ACSM5: variants seen among roughly 807,000 people sequenced by gnomAD.
The protein encoded by ACSM5 is acyl-coenzyme A synthetase ACSM5, mitochondrial.
Under a neutral mutation model 71.6 loss-of-function variants are expected in ACSM5, and 56 were observed. The ratio of observed to expected loss-of-function variants is 0.78; its 90% CI spans 0.63 to 0.98. ACSM5 has a LOEUF of 0.98. Among genes scored for constraint, ACSM5 ranks in the 50% least tolerant of loss-of-function variants. The pLI, the probability that ACSM5 is intolerant of heterozygous loss-of-function variation, is 0.00. For missense variants in ACSM5, 723 were observed against 726.0 expected (o/e 1.00, Z 0.05); for synonymous variants, 285 against 281.5 (o/e 1.01, Z -0.12).
intron 1 of ACSM5, among the ~76,000 whole-genome samples, chr16:20,410,774 A>C (rs113218095): frequency 0.044 from 6,735 of 152,086 alleles, 157 homozygotes; most frequent in South Asian, 0.058. Context: ...TAAATAAAAA[A>C]ATTAAAAAGA....
intron 10 of ACSM5, 62 bp downstream of exon 10, chr16:20,431,383 A>G (rs111385695): frequency 3.1e-6 from 4 of 1,307,678 alleles, no homozygotes; most frequent in Admixed American, 3.4e-5. Flanking sequence ...TGTGCACCAC[A>G]CTTTGTAAAT....
rs938203847 is a variant in ACSM5 at position 20,440,534 on chromosome 16, C to G, written c.*107C>G. Reference sequence around the variant, plus strand: ...ATCATCTCTTCGACCCTAAAGATGTCAAAGGTGTGCAGCTTCCAAACGGCA... The same window carrying G: ...ATCATCTCTTCGACCCTAAAGATGTGAAAGGTGTGCAGCTTCCAAACGGCA... On this transcript the variant is annotated 3_prime_UTR_variant, in exon 14 of 14. Transcript: ENST00000331849. 4 of 1,001,248 alleles carry G rather than the reference C, an allele frequency of 4.0e-6. No homozygotes were observed. The African/African-American group carries it at 6.4e-5, about 16-fold the overall frequency. 62.0% of individuals were successfully genotyped at this position (1,001,248 alleles called of 1,614,324 possible).
At position 20,419,403 on chromosome 16, in the gene ACSM5, G is replaced by A; in HGVS notation, c.591G>A (p.Arg197=). ...QTKLLVSDSS[R]PGWLNFRELL... ...AGCTGCTGGTGTCAGACAGCAGTCG[G>A]CCAGGCTGGTTGAACTTCAGGGAAC... Residue 197 remains arginine, a synonymous_variant, in exon 4 of 14, where the codon CGG becomes CGA. Coordinates refer to ENST00000331849, the MANE Select transcript of ACSM5 (RefSeq NM_017888.3). 1 of 1,614,202 alleles carries A rather than the reference G, an allele frequency of 6.2e-7. No homozygotes were observed. The highest frequency in any genetic ancestry group is 8.5e-7 in the Non-Finnish European group (1 of 1,180,026).
intron 2 of ACSM5, among the ~76,000 whole-genome samples, chr16:20,416,243 C>T (rs748829955): frequency 4.0e-5 from 6 of 149,198 alleles, no homozygotes; most frequent in East Asian, 3.9e-4. Flanking sequence ...TTCAAAAACT[C>T]GTATGGAAAT....
chr16:20,424,835 G>A (rs1174741730), intron 6 of ACSM5, among the ~76,000 whole-genome samples: 1 of 152,196 alleles, frequency 6.6e-6, no homozygotes, highest in African/African-American at 2.4e-5. Flanking sequence ...GCACATCATA[G>A]GTTCTTTTTT....
At chr16:20,424,185 G>T in intron 6 of ACSM5, 116 bp downstream of exon 6, 1 of 1,336,026 alleles carries the variant, frequency 7.5e-7, no homozygotes, top group South Asian at 1.5e-5. Flanking sequence ...GGCTTCTTTG[G>T]TGTGGCTCCC....
chr16:20,422,188 T>C (rs1166682760), intron 5 of ACSM5, among the ~76,000 whole-genome samples: 3 of 152,206 alleles, frequency 2.0e-5, no homozygotes, highest in African/African-American at 7.2e-5. Context: ...CTCCACTCAC[T>C]GCAACCTCTG....
intron 5 of ACSM5, among the ~76,000 whole-genome samples, chr16:20,421,666 CATAT>C (rs1346963189): frequency 1.4e-5 from 2 of 138,432 alleles, no homozygotes; most frequent in African/African-American, 5.6e-5. Context: ...TACACACACA[CATAT>C]ATATACATAC....
Position 20,411,492 on chromosome 16 carries a change from C to T in ACSM5, c.8C>T (p.Pro3Leu). 1 of 1,614,024 alleles carries T rather than the reference C, an allele frequency of 6.2e-7. No individual in the cohort carries two copies. The highest frequency in any genetic ancestry group is 1.1e-5 in the South Asian group (1 of 91,036). Residue 3 changes from proline (P) to leucine (L), a missense_variant, in exon 2 of 14, where the codon CCA (proline) becomes CTA (leucine). Coordinates refer to ENST00000331849, the MANE Select transcript of ACSM5 (RefSeq NM_017888.3). ...CAGACAGGAGGCGACTGCATGAGAC[C>T]ATGGCTGAGACACCTAGTCCTCCAG... MR[P>L]WLRHLVLQAL...
intron 2 of ACSM5, 75 bp downstream of exon 2, chr16:20,411,763 C>G: frequency 6.8e-7 from 1 of 1,474,262 alleles, no homozygotes; most frequent in Admixed American, 1.7e-5. Flanking sequence ...AGACTCAAGG[C>G]TCCAAGCATG....
Position 20,411,587 on chromosome 16 carries a change from A to T in ACSM5, c.103A>T (p.Ile35Phe), listed in dbSNP as rs775658510. ...AGCACCTCTACCTGTTCCTCAGAAG[A>T]TCGTGGCCACCTGGGAAGCCATCAG... ...KPAPLPVPQK[I>F]VATWEAISLG... The change falls in exon 2 of 14, where the codon ATC becomes TTC. Residue 35 changes from isoleucine (I) to phenylalanine (F), a missense_variant. By Grantham distance (21) the Ile-to-Phe change is conservative. Transcript: ENST00000331849. 1 of 1,614,148 alleles carries T rather than the reference A, an allele frequency of 6.2e-7. No homozygotes were observed. Among genetic ancestry groups the T allele is most frequent in the Middle Eastern group, 1.6e-4 (1 of 6,062 alleles).
At position 20,440,957 on chromosome 16, in the gene ACSM5, TA is replaced by T. The variant is rs57268389; in HGVS notation, c.*542del. On this transcript the variant is annotated 3_prime_UTR_variant, in exon 14 of 14. Coordinates refer to ENST00000331849, the MANE Select transcript of ACSM5 (RefSeq NM_017888.3). ...TAAGATGATCACACAGCATTAAAAC[TA>T]AAAAAAAAAAAGAAAAAATTAACAA... The T allele has an allele frequency of 0.35, 50,044 of 141,262 alleles. 8,564 individuals are homozygous for T. Among genetic ancestry groups the T allele is most frequent in the Middle Eastern group, 0.52 (147 of 284 alleles). 8.8% of individuals were successfully genotyped at this position (141,262 alleles called of 1,614,324 possible).
At position 20,431,053 on chromosome 16, in the gene ACSM5, T is replaced by C; in HGVS notation, c.1186T>C (p.Ser396Pro). 1 of 1,613,692 alleles carries C rather than the reference T, an allele frequency of 6.2e-7. No homozygotes were observed. The highest frequency in any genetic ancestry group is 8.5e-7 in the Non-Finnish European group (1 of 1,179,842). Residue 396 changes from serine (S) to proline (P), a missense_variant, in exon 9 of 14, where the codon TCC (serine) becomes CCC (proline). By Grantham distance (74) the Ser-to-Pro change is moderately conservative (BLOSUM62 -1). Transcript: ENST00000331849. ...KIKSGSMGKA[S>P]PPYDVQIVDD... ...CAAGTCTGGATCCATGGGGAAGGCG[T>C]CCCCACCCTACGATGTGCAGGTAGC...
chr16:20,414,128 G>C (rs1300798933), intron 2 of ACSM5, among the ~76,000 whole-genome samples: 1 of 152,096 alleles, frequency 6.6e-6, no homozygotes, highest in Non-Finnish European at 1.5e-5. Context: ...AAATTTACAA[G>C]ATACGCAAAG....
At chr16:20,409,806 G>A (rs1280986154) in intron 1 of ACSM5, 141 bp downstream of exon 1, 1 of 151,416 alleles carries the variant, frequency 6.6e-6, no homozygotes, top group Non-Finnish European at 1.5e-5. Context: ...CTGTTTAGGT[G>A]GCTGAGGAAT....
chr16:20,439,970 G>A (rs375678772), intron 13 of ACSM5, 51 bp downstream of exon 13: 33 of 1,605,634 alleles, frequency 2.1e-5, no homozygotes, highest in Middle Eastern at 1.8e-4. Context: ...AGATGGGCAC[G>A]CTCTGCCTGG....
chr16:20,414,838 AAGG>A (rs1333557229), intron 2 of ACSM5, among the ~76,000 whole-genome samples: 12 of 152,226 alleles, frequency 7.9e-5, no homozygotes, highest in Non-Finnish European at 1.5e-5. Context: ...CTCAAAAAGA[AAGG>A]AGGAGTATGA....
intron 1 of ACSM5, 130 bp downstream of exon 1, chr16:20,409,795 G>A (rs183956628): frequency 2.0e-5 from 3 of 151,864 alleles, no homozygotes; most frequent in Admixed American, 6.6e-5. Flanking sequence ...TAAATTATCA[G>A]CTGTTTAGGT....
intron 7 of ACSM5, 118 bp from the exon 8 acceptor site, chr16:20,429,560 A>G: frequency 2.1e-6 from 3 of 1,397,200 alleles, no homozygotes; most frequent in Non-Finnish European, 2.0e-6. Flanking sequence ...GAGAAGATTA[A>G]AAAGCAGGGG....
Sources: gnomAD v4.1 joint callset for allele counts (sites outside exome capture counted in the v4.1 genomes callset) on GRCh38, gnomAD v4.1.1 for gene constraint, MANE v1.5 for transcripts, NCBI Gene and HGNC (gene_info 2026-07-23, HGNC 2026-07-21) for gene names.